CSDE1: variants seen among roughly 807,000 people sequenced by gnomAD.
CSDE1 encodes the protein cold shock domain containing E1.
A neutral mutation model predicts 89.3 loss-of-function variants in CSDE1; 17 were observed. The observed-to-expected ratio is 0.19, with a 90% confidence interval of 0.13 to 0.29. The LOEUF (loss-of-function observed/expected upper bound fraction) is 0.29, where lower values mean the gene tolerates loss of function less well. Among genes scored for constraint, CSDE1 ranks in the 10% least tolerant of loss-of-function variants. The probability of loss-of-function intolerance (pLI) is 1.00; values close to 1 mark genes in which losing one functional copy is unlikely to be tolerated. For synonymous variants in CSDE1, 322 were observed against 332.8 expected (o/e 0.97, Z 0.35); for missense variants, 672 against 984.2 (o/e 0.68, Z 4.24).
chr1:114,731,390 TA>T (rs368044895), intron 10 of CSDE1, among the ~76,000 whole-genome samples: 2,440 of 134,192 alleles, frequency 0.018, 23 homozygotes, highest in Middle Eastern at 0.056. Context: ...TTTGAAAATG[TA>T]AAAAAAAAAA....
At chr1:114,744,406 C>G (rs540195901) in intron 2 of CSDE1, among the ~76,000 whole-genome samples, 13 of 151,970 alleles carry the variant, frequency 8.6e-5, no homozygotes, top group Middle Eastern at 3.2e-3. Flanking sequence ...ATGGCAAAAC[C>G]CTGTCTCTAC....
chr1:114,733,128 G>C (rs570804088), intron 9 of CSDE1, among the ~76,000 whole-genome samples: 1 of 152,200 alleles, frequency 6.6e-6, no homozygotes, highest in Non-Finnish European at 1.5e-5. Context: ...GGCAGGGGCA[G>C]AGGAGGGAAC....
At chr1:114,749,643 C>A (rs934591343) in intron 2 of CSDE1, among the ~76,000 whole-genome samples, 178 bp downstream of exon 2, 2 of 152,088 alleles carry the variant, frequency 1.3e-5, no homozygotes, top group African/African-American at 4.8e-5. Flanking sequence ...AAATGTTTGA[C>A]CATAAATACT....
chr1:114,727,886 G>A (rs748987887), intron 12 of CSDE1: 8 of 152,096 alleles, frequency 5.3e-5, no homozygotes, highest in Non-Finnish European at 1.2e-4. Flanking sequence ...TAATGACAGT[G>A]TACAGCAACT....
At chr1:114,743,259 T>C (rs986992016) in intron 2 of CSDE1, among the ~76,000 whole-genome samples, 2 of 152,160 alleles carry the variant, frequency 1.3e-5, no homozygotes, top group African/African-American at 2.4e-5. Flanking sequence ...TGGTACGATA[T>C]TGGCTCACTG....
Position 114,718,170 on chromosome 1 carries a change from T to TA in CSDE1, c.2395dup (p.Ter799LeufsTer13). On this transcript the variant is annotated frameshift_variant and stop_lost, in exon 20 of 20. Transcript: ENST00000358528. LOFTEE classifies it high-confidence loss of function. ...TAATGGTGTGCTTTGTGGATGTGGT[T>TA]AGTCAATGACACCAGCTTGACGGAT... 1 of 1,614,042 alleles carries TA rather than the reference T, an allele frequency of 6.2e-7. No individual in the cohort carries two copies. The highest frequency in any genetic ancestry group is 1.3e-5 in the African/African-American group (1 of 74,994).
chr1:114,740,986 A>G (rs529311639), intron 2 of CSDE1, among the ~76,000 whole-genome samples: 25 of 152,354 alleles, frequency 1.6e-4, no homozygotes, highest in Admixed American at 9.1e-4. Flanking sequence ...AGTCAACGAT[A>G]TGTGTGATGG....
intron 2 of CSDE1, among the ~76,000 whole-genome samples, chr1:114,744,514 G>A (rs906734933): frequency 1.3e-5 from 2 of 152,076 alleles, no homozygotes; most frequent in African/African-American, 4.8e-5. Flanking sequence ...GGGAGGTCAA[G>A]CCATGATCCT....
At chr1:114,738,157 T>G in intron 3 of CSDE1, 85 bp from the exon 4 acceptor site, 1 of 1,024,568 alleles carries the variant, frequency 9.8e-7, no homozygotes. Context: ...ACATAGCATT[T>G]GAATTGCCTT....
At chr1:114,733,700 G>A (rs369837293) in intron 9 of CSDE1, 32 bp downstream of exon 9, 35 of 1,599,742 alleles carry the variant, frequency 2.2e-5, no homozygotes, top group South Asian at 5.6e-5. Context: ...CTACTGAGGC[G>A]AAATAGGACT....
chr1:114,735,117 A>AC (rs1660327725), intron 6 of CSDE1, among the ~76,000 whole-genome samples: 1 of 152,044 alleles, frequency 6.6e-6, no homozygotes, highest in East Asian at 1.9e-4. Flanking sequence ...AATGATATCC[A>AC]CCTCCATTGG....
chr1:114,719,287 T>C (rs1659378013), intron 18 of CSDE1, among the ~76,000 whole-genome samples: 1 of 152,170 alleles, frequency 6.6e-6, no homozygotes, highest in Non-Finnish European at 1.5e-5. Context: ...CGAATCAGAC[T>C]GTGAGACTGT....
At chr1:114,742,643 T>TG (rs1660792174) in intron 2 of CSDE1, among the ~76,000 whole-genome samples, 1 of 152,108 alleles carries the variant, frequency 6.6e-6, no homozygotes, top group East Asian at 1.9e-4. Flanking sequence ...GAACCTCAGA[T>TG]GGAAGATAAG....
chr1:114,720,638 G>A lies in CSDE1; in HGVS notation c.1953C>T (p.Ser651=), dbSNP rs764639929. ...CCAGGACACACAATTGGAACTTGACGCTCTCCCCTTTCTGCAGGCAATCCC... is the reference window on the plus strand; with the variant it reads ...CCAGGACACACAATTGGAACTTGACACTCTCCCCTTTCTGCAGGCAATCCC... ...NKGDCLQKGE[S]VKFQLCVLGQ... The change falls in exon 17 of 20, where the codon AGC becomes AGT. Residue 651 remains serine, a synonymous_variant. Transcript: ENST00000358528. 7 of 1,614,112 alleles carry A rather than the reference G, an allele frequency of 4.3e-6. No homozygotes were observed. The highest frequency in any genetic ancestry group is 3.3e-5 in the Admixed American group (2 of 60,020).
intron 9 of CSDE1, among the ~76,000 whole-genome samples, chr1:114,733,371 C>A (rs1420971194): frequency 6.6e-6 from 1 of 151,872 alleles, no homozygotes; most frequent in Non-Finnish European, 1.5e-5. Context: ...ACTAAGAATA[C>A]AAAAATTAGC....
intron 2 of CSDE1, among the ~76,000 whole-genome samples, chr1:114,740,225 A>T (rs1320298658): frequency 6.6e-6 from 1 of 152,212 alleles, no homozygotes; most frequent in African/African-American, 2.4e-5. Context: ...ACAATTTCAG[A>T]ACAAAGGTAA....
Position 114,730,317 on chromosome 1 carries a change from C to G in CSDE1, c.1297G>C (p.Glu433Gln), listed in dbSNP as rs760047836. The change falls in exon 12 of 20, where the codon GAA (glutamate) becomes CAA (glutamine). Residue 433 changes from glutamate (E) to glutamine (Q), a missense_variant. Around this residue, in one of 8 missense-constraint regions of CSDE1, gnomAD observed 108 missense variants for 105.0 expected, o/e 1.03. Transcript: ENST00000358528. Reference sequence around the variant, plus strand: ...GGATTGGAAAAAGTGGCTTCTTTTTCTACCGTGCCCAGAAAACGGTGATCT... The same window carrying G: ...GGATTGGAAAAAGTGGCTTCTTTTTGTACCGTGCCCAGAAAACGGTGATCT... ...HSDHRFLGTVEKEATFSNPKT... is the reference protein window; with the variant it reads ...HSDHRFLGTVQKEATFSNPKT... 4 of 1,613,968 alleles carry G rather than the reference C, an allele frequency of 2.5e-6. No homozygotes were observed. Among genetic ancestry groups the G allele is most frequent in the Non-Finnish European group, 3.4e-6 (4 of 1,180,020 alleles).
rs1484790234 is a variant in CSDE1 at position 114,726,306 on chromosome 1, G to A, written c.1545C>T (p.Asn515=). 1.9e-6 allele frequency: 3 copies of A among 1,613,744 alleles called. No individual in the cohort carries two copies. Among genetic ancestry groups the A allele is most frequent in the Non-Finnish European group, 2.5e-6 (3 of 1,179,900 alleles). The change falls in exon 14 of 20, where the codon AAC becomes AAT. Residue 515 remains asparagine (N), a synonymous_variant. Coordinates refer to ENST00000358528, the MANE Select transcript of CSDE1 (RefSeq NM_001007553.3). ...TCVRLLGRNS[N]SKRLLGYVAT... ...CCACATAACCCAAGAGCCTCTTGGA[G>A]TTAGAATTACGACCTAAAAGTCGCA...
intron 2 of CSDE1, among the ~76,000 whole-genome samples, chr1:114,743,769 G>A (rs762071739): frequency 2.0e-5 from 3 of 152,132 alleles, no homozygotes; most frequent in Non-Finnish European, 2.9e-5. Context: ...TCGAGTCTCC[G>A]TCTCATCCCT....
Sources: gnomAD v4.1 joint callset for allele counts (sites outside exome capture counted in the v4.1 genomes callset) on GRCh38, gnomAD v4.1.1 for gene constraint, gnomAD v4.1.1 regional missense constraint, MANE v1.5 for transcripts, NCBI Gene and HGNC (gene_info 2026-07-23, HGNC 2026-07-21) for gene names.